Variants in RSU1 observed in about 807,000 individuals in gnomAD.
RSU1 encodes Ras suppressor protein 1.
RSU1 carries 26 observed loss-of-function variants against 31.1 expected under a neutral mutation model. The ratio of observed to expected loss-of-function variants is 0.84; its 90% CI spans 0.61 to 1.16. The LOEUF is 1.16. RSU1 is among the 50% of genes most tolerant of loss of function. RSU1 has a pLI of 0.00. For synonymous variants in RSU1, 164 were observed against 136.3 expected, an observed-to-expected ratio of 1.20 and a Z score of -1.41; for missense variants, 320 against 339.1, an observed-to-expected ratio of 0.94 and a Z score of 0.44.
chr10:16,731,110 G>A (rs1395873767), intron 7 of RSU1, among the ~76,000 whole-genome samples: 1 of 152,032 alleles, frequency 6.6e-6, no homozygotes, highest in Non-Finnish European at 1.5e-5. Flanking sequence ...CATGGCACCC[G>A]GCCTTGTAAA....
intron 8 of RSU1, among the ~76,000 whole-genome samples, chr10:16,593,716 CTT>C (rs1833554567): frequency 6.6e-6 from 1 of 152,222 alleles, no homozygotes; most frequent in Admixed American, 6.5e-5. Flanking sequence ...GGACCAGTCT[CTT>C]GGGATTTCAC....
rs1554767085 is a variant in RSU1, at chr10:16,695,158, G to GGGC, written c.599-4_599-3insGCC. On this transcript the variant is annotated splice_polypyrimidine_tract_variant and splice_region_variant and intron_variant, in intron 7 of 8. Coordinates refer to ENST00000345264, the MANE Select transcript of RSU1 (RefSeq NM_012425.4). ...CTGGCCAGTTAAATCCAAGTTTCCT[G>GGGC]GGGGGGGGGAAAAAAAAAGTGAAGG... is the stretch of plus-strand genomic sequence containing the variant. 50 of 847,732 alleles carry GGGC rather than the reference G, an allele frequency of 5.9e-5. No individual in the cohort carries two copies. Among genetic ancestry groups the GGGC allele is most frequent in the African/African-American group, 3.4e-4 (14 of 41,140 alleles). The allele number at this position is 847,732 out of a possible 1,614,324, so 52.5% of individuals were successfully genotyped here.
intron 8 of RSU1, among the ~76,000 whole-genome samples, chr10:16,594,644 ATATG>A (rs1382178964): frequency 6.9e-6 from 1 of 145,202 alleles, no homozygotes; most frequent in Non-Finnish European, 1.5e-5. Context: ...AATATGATAT[ATATG>A]ATATATATCA....
intron 7 of RSU1, among the ~76,000 whole-genome samples, chr10:16,730,085 C>G (rs543249447): frequency 3.3e-5 from 5 of 152,242 alleles, no homozygotes; most frequent in Admixed American, 2.6e-4. Flanking sequence ...GGAAGGGGAG[C>G]TGTTGTGTAT....
At chr10:16,788,248 C>T (rs540769549) in intron 2 of RSU1, among the ~76,000 whole-genome samples, 1 of 152,282 alleles carries the variant, frequency 6.6e-6, no homozygotes, top group African/African-American at 2.4e-5. Flanking sequence ...TCCAGAGGCC[C>T]CTGGTTTCCC....
intron 8 of RSU1, among the ~76,000 whole-genome samples, chr10:16,634,094 T>C (rs1392764158): frequency 6.6e-6 from 1 of 152,208 alleles, no homozygotes; most frequent in African/African-American, 2.4e-5. Context: ...TTTGGCGAAG[T>C]ACACCTTCAC....
chr10:16,674,762 C>T (rs1033029516), intron 8 of RSU1, among the ~76,000 whole-genome samples: 2 of 152,074 alleles, frequency 1.3e-5, no homozygotes, highest in African/African-American at 2.4e-5. Context: ...AGTGTAAAGC[C>T]GGCCAGAAGC....
intron 7 of RSU1, among the ~76,000 whole-genome samples, chr10:16,742,318 T>C (rs963933891): frequency 6.6e-6 from 1 of 152,128 alleles, no homozygotes; most frequent in Admixed American, 6.5e-5. Flanking sequence ...GAAAGACTGA[T>C]CCATGATGTC....
chr10:16,756,280 C>T (rs2131623423), intron 4 of RSU1, among the ~76,000 whole-genome samples: 1 of 152,254 alleles, frequency 6.6e-6, no homozygotes, highest in East Asian at 1.9e-4. Context: ...TGTGAATACG[C>T]TTAACACCAC....
intron 7 of RSU1, among the ~76,000 whole-genome samples, chr10:16,729,442 C>A (rs148485283): frequency 8.9e-4 from 136 of 152,176 alleles, no homozygotes; most frequent in Non-Finnish European, 1.6e-3. Flanking sequence ...AGCCCAAGTA[C>A]CTGGCCACTC....
intron 2 of RSU1, among the ~76,000 whole-genome samples, chr10:16,796,106 T>A (rs1233022057): frequency 6.6e-6 from 1 of 152,038 alleles, no homozygotes; most frequent in Non-Finnish European, 1.5e-5. Context: ...CCCTCAACAG[T>A]CACTAAATAT....
At chr10:16,748,958 C>T (rs538150639) in intron 7 of RSU1, among the ~76,000 whole-genome samples, 4 of 152,184 alleles carry the variant, frequency 2.6e-5, no homozygotes, top group South Asian at 2.1e-4. Flanking sequence ...TCATCAGTCA[C>T]GCGTGTTCTG....
chr10:16,700,181 G>A (rs997382620), intron 7 of RSU1, among the ~76,000 whole-genome samples: 1 of 151,982 alleles, frequency 6.6e-6, no homozygotes, highest in African/African-American at 2.4e-5. Context: ...GTAAGCAATC[G>A]AGGCGATCTG....
At chr10:16,799,162 G>C (rs143323983) in intron 2 of RSU1, among the ~76,000 whole-genome samples, 167 of 152,326 alleles carry the variant, frequency 1.1e-3, no homozygotes, top group African/African-American at 3.8e-3. Context: ...TCTAGATACA[G>C]TTCAAATTCT....
At chr10:16,758,193 A>G (rs530259065) in intron 4 of RSU1, among the ~76,000 whole-genome samples, 59 of 152,290 alleles carry the variant, frequency 3.9e-4, no homozygotes, top group African/African-American at 1.4e-3. Context: ...AAATGCTAAA[A>G]CTTCAGAAGA....
chr10:16,593,604 C>G (rs964831767), intron 8 of RSU1, 108 bp from the exon 9 acceptor site: 3 of 820,332 alleles, frequency 3.7e-6, no homozygotes, highest in Non-Finnish European at 4.0e-6. Flanking sequence ...ATTCAGTAAG[C>G]CAAAGAAAAC....
At chr10:16,598,776 C>T (rs1384132785) in intron 8 of RSU1, among the ~76,000 whole-genome samples, 7 of 152,114 alleles carry the variant, frequency 4.6e-5, no homozygotes, top group Admixed American at 1.3e-4. Flanking sequence ...GTAATACATT[C>T]GTTTTGTTTT....
chr10:16,723,053 C>T (rs1410860480), intron 7 of RSU1: 1 of 149,662 alleles, frequency 6.7e-6, no homozygotes, highest in African/African-American at 2.4e-5. Flanking sequence ...CATACATACA[C>T]ACATATATAT....
At chr10:16,723,312 T>C (rs1239556039) in intron 7 of RSU1, 1 of 152,188 alleles carries the variant, frequency 6.6e-6, no homozygotes, top group Non-Finnish European at 1.5e-5. Context: ...CTCAAAAATG[T>C]TGCTGTCACT....
Sources: gnomAD v4.1 joint callset for allele counts (sites outside exome capture counted in the v4.1 genomes callset) on GRCh38, gnomAD v4.1.1 for gene constraint, MANE v1.5 for transcripts, NCBI Gene and HGNC (gene_info 2026-07-23, HGNC 2026-07-21) for gene names.